Variants in ITGB3 observed in about 807,000 individuals in gnomAD.
ITGB3 encodes the protein integrin subunit beta 3.
A neutral mutation model predicts 85.8 loss-of-function variants in ITGB3; 48 were observed. That is an observed-to-expected ratio of 0.56 (90% confidence interval 0.44 to 0.71). The LOEUF (loss-of-function observed/expected upper bound fraction) is 0.71, where lower values mean the gene tolerates loss of function less well. Ranked by LOEUF, ITGB3 falls within the 30% of genes least tolerant of loss-of-function variation. The probability of loss-of-function intolerance (pLI) is 0.00; values close to 1 mark genes in which losing one functional copy is unlikely to be tolerated. For missense variants in ITGB3, 861 were observed against 1,019.1 expected (o/e 0.84, Z 2.11); for synonymous variants, 363 against 395.6 (o/e 0.92, Z 0.98).
At chr17:47,301,632 C>A (rs193208895) in intron 12 of ITGB3, among the ~76,000 whole-genome samples, 2 of 152,208 alleles carry the variant, frequency 1.3e-5, no homozygotes, top group East Asian at 3.9e-4. Flanking sequence ...TCCCCTCTAC[C>A]TGTGGTATTA....
At chr17:47,289,115 G>A (rs939252765) in intron 6 of ITGB3, among the ~76,000 whole-genome samples, 3 of 152,178 alleles carry the variant, frequency 2.0e-5, no homozygotes, top group Non-Finnish European at 2.9e-5. Context: ...GGAGGATCAC[G>A]AGGGCCAGGC....
chr17:47,262,667 C>T (rs1029122957), intron 1 of ITGB3, among the ~76,000 whole-genome samples: 2 of 152,146 alleles, frequency 1.3e-5, no homozygotes, highest in African/African-American at 4.8e-5. Context: ...ATACAACTGG[C>T]TCAGTGGCAT....
chr17:47,261,192 G>A (rs2065007720), intron 1 of ITGB3, among the ~76,000 whole-genome samples: 1 of 152,142 alleles, frequency 6.6e-6, no homozygotes, highest in South Asian at 2.1e-4. Context: ...TGATGCTGAA[G>A]GTGCAGTTTG....
At chr17:47,300,764 C>T (rs952942308) in intron 12 of ITGB3, among the ~76,000 whole-genome samples, 186 bp downstream of exon 12, 2 of 152,158 alleles carry the variant, frequency 1.3e-5, no homozygotes, top group Non-Finnish European at 2.9e-5. Context: ...GTCCTCCTCT[C>T]TTACTAGTGT....
intron 10 of ITGB3, among the ~76,000 whole-genome samples, chr17:47,293,374 T>C (rs2065134559): frequency 6.6e-6 from 1 of 152,176 alleles, no homozygotes; most frequent in Admixed American, 6.5e-5. Context: ...CTAATGTTAA[T>C]GTAGTCTTTA....
At chr17:47,275,727 T>C (rs760430424) in intron 2 of ITGB3, among the ~76,000 whole-genome samples, 1 of 152,238 alleles carries the variant, frequency 6.6e-6, no homozygotes, top group Non-Finnish European at 1.5e-5. Flanking sequence ...AGAGGCCAGC[T>C]CCGCACGTTG....
At chr17:47,257,703 G>A (rs769379308) in intron 1 of ITGB3, among the ~76,000 whole-genome samples, 1 of 152,242 alleles carries the variant, frequency 6.6e-6, no homozygotes, top group African/African-American at 2.4e-5. Context: ...TTGGGCCGCT[G>A]CACTGTTGCA....
intron 6 of ITGB3, among the ~76,000 whole-genome samples, chr17:47,288,870 T>C (rs930932575): frequency 6.6e-6 from 1 of 152,140 alleles, no homozygotes; most frequent in African/African-American, 2.4e-5. Context: ...TAGTGCCAAA[T>C]GGGTGTGGCA....
intron 13 of ITGB3, among the ~76,000 whole-genome samples, chr17:47,305,914 T>C (rs2065186108): frequency 6.6e-6 from 1 of 152,218 alleles, no homozygotes; most frequent in Non-Finnish European, 1.5e-5. Context: ...GTTTTTAAGA[T>C]ATATTTAATT....
chr17:47,302,057 A>C (rs1411912827), intron 12 of ITGB3, among the ~76,000 whole-genome samples: 1 of 152,154 alleles, frequency 6.6e-6, no homozygotes, highest in Non-Finnish European at 1.5e-5. Context: ...ATCTGGTTTC[A>C]TCAGTATGGG....
chr17:47,302,863 C>G, intron 13 of ITGB3, 23 bp downstream of exon 13: 1 of 1,613,806 alleles, frequency 6.2e-7, no homozygotes, highest in South Asian at 1.1e-5. Context: ...TGACGGCTCC[C>G]GGCCCTGCCC....
chr17:47,300,350 T>G (rs1021396676), intron 11 of ITGB3, 128 bp from the exon 12 acceptor site: 1 of 710,872 alleles, frequency 1.4e-6, no homozygotes, highest in Non-Finnish European at 2.5e-6. Context: ...CGCGCGCGTG[T>G]GTGTGTGTGT....
At chr17:47,270,627 T>C (rs2065040940) in intron 1 of ITGB3, among the ~76,000 whole-genome samples, 1 of 152,232 alleles carries the variant, frequency 6.6e-6, no homozygotes, top group African/African-American at 2.4e-5. Context: ...AAGGCCAGGC[T>C]TGGAACCAAT....
intron 1 of ITGB3, among the ~76,000 whole-genome samples, chr17:47,259,698 A>G (rs1460162059): frequency 1.3e-5 from 2 of 152,152 alleles, no homozygotes; most frequent in Non-Finnish European, 2.9e-5. Context: ...TCAGGAGTTC[A>G]AGACCAGCCT....
chr17:47,309,121 C>T (rs909528807), intron 14 of ITGB3, among the ~76,000 whole-genome samples: 2 of 151,480 alleles, frequency 1.3e-5, no homozygotes, highest in Non-Finnish European at 2.9e-5. Context: ...CATCATGGCT[C>T]AATGCAGCCT....
chr17:47,296,115 AAGCTGTACTTCTAGGGAACCT>A (rs2065145075), intron 10 of ITGB3, among the ~76,000 whole-genome samples: 2 of 152,176 alleles, frequency 1.3e-5, no homozygotes, highest in South Asian at 4.1e-4. Flanking sequence ...ATCCTCATCC[AAGCTGTACTTCTAGGGAACCT>A]AGCCTCGGGA....
chr17:47,254,039 C>A (rs2064978239), intron 1 of ITGB3, 99 bp downstream of exon 1: 1 of 731,236 alleles, frequency 1.4e-6, no homozygotes, highest in Non-Finnish European at 1.9e-6. Context: ...GGGCTGGTCC[C>A]GCGCGTCTGC....
chr17:47,274,617 C>A, intron 2 of ITGB3, 113 bp downstream of exon 2: 1 of 880,714 alleles, frequency 1.1e-6, no homozygotes, highest in African/African-American at 1.6e-5. Flanking sequence ...CTTATCCCTT[C>A]TAAGCAAAAC....
intron 14 of ITGB3, among the ~76,000 whole-genome samples, chr17:47,309,579 G>A (rs1194192286): frequency 6.6e-6 from 1 of 152,108 alleles, no homozygotes; most frequent in Non-Finnish European, 1.5e-5. Context: ...AAGAGTGATA[G>A]GCTGAATATA....
Sources: gnomAD v4.1 joint callset for allele counts (sites outside exome capture counted in the v4.1 genomes callset) on GRCh38, gnomAD v4.1.1 for gene constraint, MANE v1.5 for transcripts, NCBI Gene and HGNC (gene_info 2026-07-23, HGNC 2026-07-21) for gene names.